The following GUCY1A2 variants were observed in gnomAD, a reference collection of about 807,000 sequenced individuals.
GUCY1A2 encodes the protein guanylate cyclase 1 soluble subunit alpha 2, also known as guanylate cyclase soluble subunit alpha-2.
Under a neutral mutation model 63.5 loss-of-function variants are expected in GUCY1A2, and 27 were observed. That is an observed-to-expected ratio of 0.43 (90% CI 0.31 to 0.59). The LOEUF is 0.59. Among genes scored for constraint, GUCY1A2 ranks in the 20% least tolerant of loss-of-function variants. The pLI, the probability that GUCY1A2 is intolerant of heterozygous loss-of-function variation, is 0.11. For missense variants in GUCY1A2, 768 were observed against 913.3 expected (o/e 0.84, Z 2.05); for synonymous variants, 364 against 343.5 (o/e 1.06, Z -0.66).
At chr11:106,757,059 T>C (rs1302420549) in intron 6 of GUCY1A2, among the ~76,000 whole-genome samples, 2 of 152,222 alleles carry the variant, frequency 1.3e-5, no homozygotes. Flanking sequence ...TTTACTCTTT[T>C]TTCTCTAATC....
rs546467858 is a variant in GUCY1A2 at position 106,959,093 on chromosome 11, G to A, written c.488-18915C>T. ...CCAAGCGGAGCAACTATTCATATTC[G>A]TTACGGTCTCAAAGTAGATCTCACA... On this transcript the variant is annotated intron_variant, in intron 3 of 7. Transcript: ENST00000526355. Among the ~76,000 whole-genome samples the A allele has an allele frequency of 3.2e-4, 48 of 152,206 alleles. No homozygotes were observed. The South Asian group carries it at 8.7e-3, about 28-fold the overall frequency.
chr11:106,802,368 G>A (rs1858617524), intron 5 of GUCY1A2, among the ~76,000 whole-genome samples: 1 of 152,128 alleles, frequency 6.6e-6, no homozygotes, highest in African/African-American at 2.4e-5. Context: ...GAGAGATACT[G>A]TGCAATAACA....
At chr11:106,725,733 G>A (rs1423834123) in intron 6 of GUCY1A2, among the ~76,000 whole-genome samples, 2 of 152,052 alleles carry the variant, frequency 1.3e-5, no homozygotes, top group African/African-American at 2.4e-5. Flanking sequence ...AGAGTACTTT[G>A]AGCCAAATGT....
At position 106,680,693 on chromosome 11, in the gene GUCY1A2, G is replaced by A. The variant is rs1862418212; in HGVS notation, c.*6856C>T. ...CAAAGCCTCAGTAAATCAACAATCCGGTTTGATTTTGATAGGGAAATTTTC... is the reference window on the plus strand; with the variant it reads ...CAAAGCCTCAGTAAATCAACAATCCAGTTTGATTTTGATAGGGAAATTTTC... On this transcript the variant is annotated 3_prime_UTR_variant, in exon 8 of 8. Transcript: ENST00000526355. The A allele has an allele frequency of 4.9e-6, 1 of 203,504 alleles. No individual in the cohort carries two copies. The highest frequency in any genetic ancestry group is 1.9e-4 in the South Asian group (1 of 5,260). The allele number at this position is 203,504 out of a possible 1,614,324, so 12.6% of individuals were successfully genotyped here. A position where few individuals can be genotyped will look rare whatever the true frequency, so the allele number is the denominator to read the frequency against.
At chr11:106,980,759 A>G (rs1156960580) in intron 2 of GUCY1A2, among the ~76,000 whole-genome samples, 2 of 152,162 alleles carry the variant, frequency 1.3e-5, no homozygotes, top group South Asian at 2.1e-4. Flanking sequence ...TCATGTTTGT[A>G]CACCTCATTG....
intron 4 of GUCY1A2, among the ~76,000 whole-genome samples, chr11:106,920,603 A>T (rs1165440009): frequency 6.6e-6 from 1 of 152,118 alleles, no homozygotes; most frequent in Non-Finnish European, 1.5e-5. Flanking sequence ...TGGATTAAAC[A>T]TTTCCATTTG....
chr11:106,821,916 G>C (rs185280604), intron 4 of GUCY1A2, among the ~76,000 whole-genome samples: 22 of 152,152 alleles, frequency 1.4e-4, no homozygotes, highest in Non-Finnish European at 2.9e-4. Flanking sequence ...TGGATTAAGG[G>C]TGAGGAACAA....
intron 4 of GUCY1A2, among the ~76,000 whole-genome samples, chr11:106,890,497 T>A (rs533439612): frequency 6.6e-6 from 1 of 152,308 alleles, no homozygotes; most frequent in African/African-American, 2.4e-5. Flanking sequence ...TAAATGGCCA[T>A]TGCTACATGC....
At chr11:106,917,214 A>C (rs1168637375) in intron 4 of GUCY1A2, among the ~76,000 whole-genome samples, 2 of 145,772 alleles carry the variant, frequency 1.4e-5, no homozygotes, top group Non-Finnish European at 3.1e-5. Context: ...GAGCACTATG[A>C]AGCCATTTAA....
chr11:107,009,082 C>A (rs1186857604), intron 1 of GUCY1A2, among the ~76,000 whole-genome samples: 1 of 152,196 alleles, frequency 6.6e-6, no homozygotes, highest in African/African-American at 2.4e-5. Context: ...AATACAAATT[C>A]TTCAAATGTT....
chr11:106,832,018 T>A (rs548435797), intron 4 of GUCY1A2, among the ~76,000 whole-genome samples: 21 of 152,298 alleles, frequency 1.4e-4, no homozygotes, highest in African/African-American at 5.1e-4. Flanking sequence ...ATTTTTAGGT[T>A]CTATGCCATA....
At chr11:106,762,541 A>C (rs1256314820) in intron 6 of GUCY1A2, among the ~76,000 whole-genome samples, 1 of 152,156 alleles carries the variant, frequency 6.6e-6, no homozygotes, top group Non-Finnish European at 1.5e-5. Flanking sequence ...AGATTGAATG[A>C]AATATAATAA....
At chr11:106,748,549 T>G (rs1048628560) in intron 6 of GUCY1A2, among the ~76,000 whole-genome samples, 14 of 152,314 alleles carry the variant, frequency 9.2e-5, no homozygotes, top group Admixed American at 2.6e-4. Context: ...CTAGATGTTC[T>G]TTATCCATTT....
intron 6 of GUCY1A2, among the ~76,000 whole-genome samples, chr11:106,722,758 T>A (rs963764266): frequency 6.6e-6 from 1 of 151,242 alleles, no homozygotes; most frequent in African/African-American, 2.4e-5. Flanking sequence ...GAAGAACTTA[T>A]ACAAAATAGT....
chr11:106,956,680 C>T (rs1470030637), intron 3 of GUCY1A2, among the ~76,000 whole-genome samples: 1 of 152,134 alleles, frequency 6.6e-6, no homozygotes, highest in African/African-American at 2.4e-5. Context: ...CCTCTGACCT[C>T]GACAGGCACC....
At chr11:106,872,170 G>C (rs373715288) in intron 4 of GUCY1A2, among the ~76,000 whole-genome samples, 1 of 152,086 alleles carries the variant, frequency 6.6e-6, no homozygotes, top group Non-Finnish European at 1.5e-5. Flanking sequence ...AATTGAACAA[G>C]AATAAATGTA....
In GUCY1A2 at chr11:106,686,197, T is replaced by G. The variant is rs1372891449; in HGVS notation, c.*1352A>C. On this transcript the variant is annotated 3_prime_UTR_variant, in exon 8 of 8. Transcript: ENST00000526355. Reference sequence around the variant, plus strand: ...ACTCTGGACACCTGATGCTCCTAATTTTAGTGTGAGCCAGTAATATTTTCA... The same window carrying G: ...ACTCTGGACACCTGATGCTCCTAATGTTAGTGTGAGCCAGTAATATTTTCA... The G allele has an allele frequency of 4.6e-6, 1 of 217,644 alleles. No homozygotes were observed. Among genetic ancestry groups the G allele is most frequent in the East Asian group, 6.8e-5 (1 of 14,774 alleles). 13.5% of individuals were successfully genotyped at this position (217,644 alleles called of 1,614,324 possible).
chr11:106,779,908 T>C (rs539237208), intron 5 of GUCY1A2, among the ~76,000 whole-genome samples: 1 of 152,330 alleles, frequency 6.6e-6, no homozygotes, highest in East Asian at 1.9e-4. Context: ...AGACTAGGCG[T>C]GGTGGCTGAC....
chr11:106,880,150 C>T (rs1305626369), intron 4 of GUCY1A2, among the ~76,000 whole-genome samples: 1 of 151,992 alleles, frequency 6.6e-6, no homozygotes, highest in East Asian at 1.9e-4. Flanking sequence ...CTTAAGCATG[C>T]CCTCAGAATG....
Sources: allele counts gnomAD v4.1 joint callset (sites outside exome capture counted in the v4.1 genomes callset), GRCh38; gene constraint gnomAD v4.1.1; transcripts MANE v1.5; gene names NCBI Gene and HGNC (gene_info 2026-07-23, HGNC 2026-07-21).